Variants in SLCO5A1 observed in about 807,000 individuals in gnomAD.
SLCO5A1 encodes solute carrier organic anion transporter family member 5A1, also known as organic anion transporter polypeptide-related protein 4.
Under a neutral mutation model 65.1 loss-of-function variants are expected in SLCO5A1, and 39 were observed. That is an observed-to-expected ratio of 0.60 (90% CI 0.46 to 0.78). The LOEUF is 0.78. SLCO5A1 is among the 30% of genes least tolerant of loss of function. SLCO5A1 has a pLI of 0.00. For missense variants in SLCO5A1, 1,029 were observed against 1,069.4 expected (o/e 0.96, Z 0.53); for synonymous variants, 438 against 415.7 (o/e 1.05, Z -0.65).
intron 7 of SLCO5A1, 44 bp downstream of exon 7, chr8:69,682,140 A>G: frequency 6.4e-7 from 1 of 1,570,262 alleles, no homozygotes; most frequent in Non-Finnish European, 8.6e-7. Flanking sequence ...TCCTTGTCAC[A>G]GGATGTTGGA....
intron 2 of SLCO5A1, among the ~76,000 whole-genome samples, chr8:69,774,604 C>T (rs551136088): frequency 6.6e-6 from 1 of 152,184 alleles, no homozygotes; most frequent in Admixed American, 6.5e-5. Flanking sequence ...TGGCAGTGAA[C>T]CCTGCTTAGA....
At chr8:69,775,176 A>G (rs1341261189) in intron 2 of SLCO5A1, among the ~76,000 whole-genome samples, 2 of 152,224 alleles carry the variant, frequency 1.3e-5, no homozygotes, top group Non-Finnish European at 2.9e-5. Flanking sequence ...CAGTAGATTT[A>G]GAGAGCTTTC....
chr8:69,798,532 A>G (rs1819598376), intron 2 of SLCO5A1, among the ~76,000 whole-genome samples: 2 of 152,162 alleles, frequency 1.3e-5, no homozygotes, highest in Admixed American at 1.3e-4. Context: ...ACTTTTAAAT[A>G]ACCAGATCTC....
intron 2 of SLCO5A1, among the ~76,000 whole-genome samples, chr8:69,762,345 C>T (rs187915721): frequency 2.3e-4 from 35 of 152,100 alleles, no homozygotes; most frequent in African/African-American, 8.2e-4. Flanking sequence ...CGCCACCACA[C>T]CCAGCTAATT....
At chr8:69,766,028 A>G (rs182987877) in intron 2 of SLCO5A1, among the ~76,000 whole-genome samples, 3 of 152,296 alleles carry the variant, frequency 2.0e-5, no homozygotes, top group Non-Finnish European at 2.9e-5. Context: ...TGTGTAATGC[A>G]TAGGTACTAT....
chr8:69,674,957 T>C (rs1035823276), intron 9 of SLCO5A1, among the ~76,000 whole-genome samples: 6 of 151,472 alleles, frequency 4.0e-5, no homozygotes, highest in African/African-American at 1.5e-4. Flanking sequence ...GGAGAAACAC[T>C]TGAACCCTAG....
intron 2 of SLCO5A1, among the ~76,000 whole-genome samples, chr8:69,792,668 G>T (rs1414095231): frequency 6.6e-6 from 1 of 152,152 alleles, no homozygotes; most frequent in African/African-American, 2.4e-5. Flanking sequence ...AGTGTGAGAG[G>T]TTTAGGAGAA....
chr8:69,720,643 T>C (rs1008134229), intron 5 of SLCO5A1, among the ~76,000 whole-genome samples: 7 of 152,278 alleles, frequency 4.6e-5, no homozygotes, highest in Non-Finnish European at 8.8e-5. Context: ...CGTCATGTTT[T>C]AGTATTTACT....
At chr8:69,762,727 A>G (rs919357879) in intron 2 of SLCO5A1, among the ~76,000 whole-genome samples, 3 of 152,240 alleles carry the variant, frequency 2.0e-5, no homozygotes, top group African/African-American at 7.2e-5. Context: ...AGCTGAATTG[A>G]CAAAACTGCT....
At chr8:69,675,731 C>A (rs1813521025) in intron 9 of SLCO5A1, among the ~76,000 whole-genome samples, 1 of 152,118 alleles carries the variant, frequency 6.6e-6, no homozygotes, top group African/African-American at 2.4e-5. Context: ...CCTTTTTAAA[C>A]ATTACCTCTT....
At chr8:69,762,392 C>T (rs968230512) in intron 2 of SLCO5A1, among the ~76,000 whole-genome samples, 8 of 151,960 alleles carry the variant, frequency 5.3e-5, no homozygotes, top group Admixed American at 2.0e-4. Context: ...TTCACCATGT[C>T]AGCCAGGATG....
chr8:69,682,877 C>G (rs1263585441), intron 6 of SLCO5A1, among the ~76,000 whole-genome samples: 3 of 152,138 alleles, frequency 2.0e-5, no homozygotes, highest in Non-Finnish European at 2.9e-5. Context: ...CATTGGGGCT[C>G]TAGACAATCA....
At chr8:69,771,392 G>T (rs1173086064) in intron 2 of SLCO5A1, among the ~76,000 whole-genome samples, 1 of 152,108 alleles carries the variant, frequency 6.6e-6, no homozygotes, top group Non-Finnish European at 1.5e-5. Flanking sequence ...GTTACTTTCT[G>T]TCTCCTATAC....
At chr8:69,815,362 T>C (rs1253566856) in intron 2 of SLCO5A1, among the ~76,000 whole-genome samples, 2 of 152,198 alleles carry the variant, frequency 1.3e-5, no homozygotes, top group Non-Finnish European at 2.9e-5. Flanking sequence ...ATATTTTCTG[T>C]AAAAATAGTC....
chr8:69,707,402 T>G (rs1815019174), intron 5 of SLCO5A1, among the ~76,000 whole-genome samples: 1 of 152,018 alleles, frequency 6.6e-6, no homozygotes, highest in Non-Finnish European at 1.5e-5. Context: ...AAAGAAAATG[T>G]CTGCACAAAG....
At chr8:69,744,670 C>T (rs536779357) in intron 4 of SLCO5A1, among the ~76,000 whole-genome samples, 1 of 152,244 alleles carries the variant, frequency 6.6e-6, no homozygotes, top group Admixed American at 6.5e-5. Context: ...ATAGGAGGCA[C>T]TCAAAAAATA....
intron 8 of SLCO5A1, among the ~76,000 whole-genome samples, 173 bp from the exon 9 acceptor site, chr8:69,676,846 G>C (rs1396219687): frequency 1.3e-5 from 2 of 152,144 alleles, no homozygotes; most frequent in African/African-American, 4.8e-5. Context: ...CTAAATCCCT[G>C]AATAAAGGTT....
At chr8:69,817,679 G>A (rs1820463402) in intron 2 of SLCO5A1, among the ~76,000 whole-genome samples, 1 of 152,126 alleles carries the variant, frequency 6.6e-6, no homozygotes. Flanking sequence ...ATCTTGGCTT[G>A]AATAGTACCC....
intron 6 of SLCO5A1, among the ~76,000 whole-genome samples, chr8:69,694,131 T>C (rs1814393062): frequency 6.6e-6 from 1 of 152,242 alleles, no homozygotes; most frequent in Non-Finnish European, 1.5e-5. Flanking sequence ...AAGAAGGTTG[T>C]GTGTGCATGC....
Sources: allele counts gnomAD v4.1 joint callset (sites outside exome capture counted in the v4.1 genomes callset), GRCh38; gene constraint gnomAD v4.1.1; transcripts MANE v1.5; gene names NCBI Gene and HGNC (gene_info 2026-07-23, HGNC 2026-07-21).